The following GABRB1 variants were observed in gnomAD, a reference collection of about 807,000 sequenced individuals.
GABRB1 encodes the protein gamma-aminobutyric acid type A receptor subunit beta1, also known as gamma-aminobutyric acid receptor subunit beta-1.
In GABRB1, 17 loss-of-function variants were observed where a neutral mutation model predicts 51.6. The ratio of observed to expected loss-of-function variants is 0.33; its 90% CI spans 0.23 to 0.49. The LOEUF (loss-of-function observed/expected upper bound fraction) is 0.49, where lower values mean the gene tolerates loss of function less well. GABRB1 is among the 20% of genes least tolerant of loss of function. GABRB1 has a pLI of 0.99. For synonymous variants in GABRB1, 247 were observed against 218.9 expected (o/e 1.13, Z -1.14); for missense variants, 410 against 600.6 (o/e 0.68, Z 3.32).
At chr4:47,201,293 T>C (rs1270499040) in intron 4 of GABRB1, among the ~76,000 whole-genome samples, 1 of 152,024 alleles carries the variant, frequency 6.6e-6, no homozygotes, top group Non-Finnish European at 1.5e-5. Context: ...AGAGAAACTA[T>C]CTACAAAAGA....
chr4:47,341,458 T>A (rs922516406), intron 5 of GABRB1, among the ~76,000 whole-genome samples: 1 of 152,118 alleles, frequency 6.6e-6, no homozygotes, highest in Admixed American at 6.6e-5. Context: ...CAAGTAAAGG[T>A]GGGTAATTTT....
At chr4:47,337,965 C>T (rs989321378) in intron 5 of GABRB1, among the ~76,000 whole-genome samples, 3 of 152,084 alleles carry the variant, frequency 2.0e-5, no homozygotes, top group Non-Finnish European at 4.4e-5. Flanking sequence ...ATTTGCTTCC[C>T]CCAGAATTCT....
chr4:47,313,178 A>G (rs1175550298), intron 4 of GABRB1, among the ~76,000 whole-genome samples: 1 of 152,200 alleles, frequency 6.6e-6, no homozygotes, highest in Non-Finnish European at 1.5e-5. Context: ...TCTTTGAAAG[A>G]AGACAGATGA....
intron 4 of GABRB1, among the ~76,000 whole-genome samples, chr4:47,313,824 G>C (rs1724791949): frequency 6.6e-6 from 1 of 152,092 alleles, no homozygotes; most frequent in Non-Finnish European, 1.5e-5. Context: ...TTCTCAGAGA[G>C]TCCTGTGGGT....
intron 4 of GABRB1, among the ~76,000 whole-genome samples, chr4:47,215,064 C>A (rs1290523688): frequency 6.6e-6 from 1 of 152,062 alleles, no homozygotes; most frequent in Non-Finnish European, 1.5e-5. Flanking sequence ...GGGATATGTA[C>A]TGCTCAATGG....
chr4:47,398,288 G>C (rs963933903), intron 5 of GABRB1, among the ~76,000 whole-genome samples: 1 of 151,960 alleles, frequency 6.6e-6, no homozygotes, highest in Non-Finnish European at 1.5e-5. Context: ...TAATTCTTTG[G>C]AGTTTACTGA....
intron 4 of GABRB1, among the ~76,000 whole-genome samples, chr4:47,192,958 T>C (rs979906060): frequency 6.6e-6 from 1 of 152,190 alleles, no homozygotes; most frequent in Non-Finnish European, 1.5e-5. Flanking sequence ...TAACCTCAAG[T>C]TCACTTGGTT....
intron 3 of GABRB1, among the ~76,000 whole-genome samples, chr4:47,130,428 C>T (rs902492802): frequency 2.0e-5 from 3 of 150,558 alleles, no homozygotes; most frequent in Non-Finnish European, 2.9e-5. Context: ...AAATTCAGCT[C>T]CTGGAAAATA....
intron 5 of GABRB1, among the ~76,000 whole-genome samples, chr4:47,401,636 G>T (rs17600596): frequency 1.3e-5 from 2 of 152,106 alleles, no homozygotes; most frequent in Admixed American, 6.5e-5. Context: ...ACTTCCTGCT[G>T]GGCTTAGGAG....
intron 3 of GABRB1, among the ~76,000 whole-genome samples, chr4:47,082,133 C>G (rs546442632): frequency 7.9e-4 from 120 of 151,908 alleles, no homozygotes; most frequent in African/African-American, 2.8e-3. Flanking sequence ...CATATAATAC[C>G]AACTCTATGA....
intron 3 of GABRB1, among the ~76,000 whole-genome samples, chr4:47,146,512 T>C (rs988676803): frequency 6.6e-6 from 1 of 152,088 alleles, no homozygotes; most frequent in Non-Finnish European, 1.5e-5. Context: ...CATTGCTCAT[T>C]TAGGATTCTG....
intron 3 of GABRB1, among the ~76,000 whole-genome samples, chr4:47,056,888 A>G (rs1157377881): frequency 1.3e-5 from 2 of 152,288 alleles, no homozygotes; most frequent in Admixed American, 6.5e-5. Flanking sequence ...CAGGCAGATC[A>G]TGAGGTCAGG....
At chr4:47,267,651 C>G (rs1170284172) in intron 4 of GABRB1, among the ~76,000 whole-genome samples, 1 of 151,972 alleles carries the variant, frequency 6.6e-6, no homozygotes, top group Non-Finnish European at 1.5e-5. Context: ...AAAAATTAGC[C>G]AGGCATGGTG....
chr4:47,172,536 C>T (rs1192873424), intron 4 of GABRB1, among the ~76,000 whole-genome samples: 1 of 151,420 alleles, frequency 6.6e-6, no homozygotes, highest in Non-Finnish European at 1.5e-5. Flanking sequence ...ATGCTTTGGC[C>T]TTTCCAGCAC....
At chr4:47,223,981 A>G (rs1010954377) in intron 4 of GABRB1, among the ~76,000 whole-genome samples, 6 of 152,086 alleles carry the variant, frequency 3.9e-5, no homozygotes, top group African/African-American at 1.2e-4. Flanking sequence ...TTTATTTTCC[A>G]TACAATTGCT....
chr4:47,403,462 T>C lies in GABRB1; in HGVS notation c.682+7T>C. On this transcript the variant is annotated splice_region_variant and intron_variant, in intron 6 of 8. Coordinates refer to ENST00000295454, the MANE Select transcript of GABRB1 (RefSeq NM_000812.4). ...AAGGTGGAGTTCACAACAGGTGAGG[T>C]TGTTTCCCCCAAAATGTACTAGGGG... 6.2e-7 allele frequency: 1 copy of C among 1,613,894 alleles called. No homozygotes were observed. Among genetic ancestry groups the C allele is most frequent in the South Asian group, 1.1e-5 (1 of 91,046 alleles).
intron 3 of GABRB1, among the ~76,000 whole-genome samples, chr4:47,064,779 T>C (rs1035058182): frequency 3.3e-5 from 5 of 152,182 alleles, no homozygotes; most frequent in African/African-American, 1.2e-4. Context: ...AAAGACATTG[T>C]TTTGTTCATT....
chr4:47,310,871 A>G (rs1173247219), intron 4 of GABRB1, among the ~76,000 whole-genome samples: 1 of 152,026 alleles, frequency 6.6e-6, no homozygotes, highest in Non-Finnish European at 1.5e-5. Context: ...TGTAACTAAG[A>G]TAAGGTCTGT....
chr4:47,347,887 T>A (rs1220919886), intron 5 of GABRB1, among the ~76,000 whole-genome samples: 2 of 152,200 alleles, frequency 1.3e-5, no homozygotes, highest in Non-Finnish European at 2.9e-5. Context: ...GTGATGGGCT[T>A]ATTGAAGGAC....
Sources: gnomAD v4.1 joint callset for allele counts (sites outside exome capture counted in the v4.1 genomes callset) on GRCh38, gnomAD v4.1.1 for gene constraint, MANE v1.5 for transcripts, NCBI Gene and HGNC (gene_info 2026-07-23, HGNC 2026-07-21) for gene names.